Variants in PID1 observed in about 807,000 individuals in gnomAD.
PID1 encodes PTB-containing, cubilin and LRP1-interacting protein.
A neutral mutation model predicts 19.1 loss-of-function variants in PID1; 10 were observed. The observed-to-expected ratio is 0.52, with a 90% CI of 0.32 to 0.89. PID1 has a LOEUF of 0.89. PID1 is among the 40% of genes least tolerant of loss of function. The probability of loss-of-function intolerance (pLI) is 0.03; values close to 1 mark genes in which losing one functional copy is unlikely to be tolerated. For synonymous variants in PID1, 130 were observed against 116.0 expected (o/e 1.12, Z -0.78); for missense variants, 248 against 285.3 (o/e 0.87, Z 0.94).
intron 2 of PID1, among the ~76,000 whole-genome samples, chr2:229,073,317 G>A (rs949913223): frequency 3.3e-5 from 5 of 152,110 alleles, no homozygotes; most frequent in African/African-American, 2.4e-5. Context: ...GAGCCACCGC[G>A]CCCAGCCAAT....
intron 1 of PID1, among the ~76,000 whole-genome samples, chr2:229,166,988 G>C (rs901982895): frequency 8.1e-6 from 1 of 123,784 alleles, no homozygotes; most frequent in East Asian, 2.2e-4. Flanking sequence ...GAAGGGGAAG[G>C]GGAAGTGGAA....
chr2:229,080,059 C>T (rs1300302865), intron 2 of PID1, among the ~76,000 whole-genome samples: 74 of 152,120 alleles, frequency 4.9e-4, no homozygotes, highest in Admixed American at 4.8e-3. Context: ...CCTCTCCTGC[C>T]TCCCTGTTCT....
In PID1 at chr2:229,136,043, G is replaced by A. The variant is rs190328126; in HGVS notation, c.177+19775C>T. Among the ~76,000 whole-genome samples, 4 of 152,166 alleles carry A rather than the reference G, an allele frequency of 2.6e-5. No individual in the cohort carries two copies. The East Asian group carries it at 7.7e-4, about 29-fold the overall frequency. ...TCTAAGATGCCACTTCTAAGTTTAGGTTACAAAAAAACTCTGTTGTCTGTC... is the reference window on the plus strand; with the variant it reads ...TCTAAGATGCCACTTCTAAGTTTAGATTACAAAAAAACTCTGTTGTCTGTC... On this transcript the variant is annotated intron_variant, in intron 2 of 2. Coordinates refer to ENST00000392055, the MANE Select transcript of PID1 (RefSeq NM_001100818.2).
At chr2:229,239,456 C>T (rs1241100702) in intron 1 of PID1, among the ~76,000 whole-genome samples, 4 of 152,088 alleles carry the variant, frequency 2.6e-5, no homozygotes, top group African/African-American at 9.7e-5. Context: ...GCCGAACCCC[C>T]CGTGTCAATC....
intron 2 of PID1, among the ~76,000 whole-genome samples, chr2:229,044,948 T>G (rs560870357): frequency 5.5e-4 from 84 of 152,292 alleles, no homozygotes; most frequent in Non-Finnish European, 6.6e-4. Context: ...TTAAATATTT[T>G]AAAATTCAGG....
At position 229,155,394 on chromosome 2, in the gene PID1, G is replaced by A. The variant is rs181419587; in HGVS notation, c.177+424C>T. Among the ~76,000 whole-genome samples the A allele has an allele frequency of 2.1e-3, 323 of 151,940 alleles. 1 individual carries two copies. The highest frequency in any genetic ancestry group is 7.4e-3 in the African/African-American group (308 of 41,440). On this transcript the variant is annotated intron_variant, in intron 2 of 2. Coordinates refer to ENST00000392055, the MANE Select transcript of PID1 (RefSeq NM_001100818.2). ...ATCCTAGCTAACATGGTGAAACCCC[G>A]TCTCTCCTAAAAAGACAAAAAATTA...
chr2:229,262,547 C>T (rs994719326), intron 1 of PID1: 3 of 1,307,260 alleles, frequency 2.3e-6, no homozygotes, highest in African/African-American at 3.0e-5. Flanking sequence ...GTTGGGGATA[C>T]CTACATCACA....
At chr2:229,053,862 C>T (rs1420262947) in intron 2 of PID1, among the ~76,000 whole-genome samples, 4 of 152,144 alleles carry the variant, frequency 2.6e-5, no homozygotes, top group Admixed American at 1.3e-4. Context: ...AGAGTCATGA[C>T]CAACGTTTTG....
At chr2:229,065,637 A>T (rs1381561179) in intron 2 of PID1, among the ~76,000 whole-genome samples, 1 of 142,940 alleles carries the variant, frequency 7.0e-6, no homozygotes, top group Non-Finnish European at 1.5e-5. Flanking sequence ...TATTGAGGTC[A>T]TTATTTCCTC....
chr2:229,232,216 G>T, intron 1 of PID1: 1 of 1,124,194 alleles, frequency 8.9e-7, no homozygotes, highest in Non-Finnish European at 1.2e-6. Flanking sequence ...GAAGTCAGGA[G>T]ATCAAGACCA....
At chr2:229,139,159 G>A (rs200226250) in intron 2 of PID1, among the ~76,000 whole-genome samples, 1,986 of 90,010 alleles carry the variant, frequency 0.022, 169 homozygotes, top group South Asian at 0.05. Flanking sequence ...GCAAGCGAGC[G>A]AGCAAGCGAG....
chr2:229,087,430 G>A (rs183147569), intron 2 of PID1, among the ~76,000 whole-genome samples: 4 of 152,302 alleles, frequency 2.6e-5, no homozygotes, highest in African/African-American at 9.6e-5. Context: ...CTACCCTTGG[G>A]AGATAGTGAC....
At chr2:229,255,031 G>A (rs540447703) in intron 1 of PID1, among the ~76,000 whole-genome samples, 18 of 152,276 alleles carry the variant, frequency 1.2e-4, no homozygotes, top group South Asian at 1.0e-3. Flanking sequence ...ATTAGAGTGT[G>A]CAATATTTTT....
intron 1 of PID1, among the ~76,000 whole-genome samples, chr2:229,240,315 A>G (rs1385236527): frequency 6.6e-6 from 1 of 152,190 alleles, no homozygotes. Context: ...ATGGTCAAAA[A>G]AAAAACTTGG....
chr2:229,069,536 C>T (rs1694409761), intron 2 of PID1, among the ~76,000 whole-genome samples: 2 of 152,262 alleles, frequency 1.3e-5, no homozygotes, highest in South Asian at 4.1e-4. Context: ...TACTTGGTGG[C>T]TATTTCTCCA....
intron 1 of PID1, among the ~76,000 whole-genome samples, chr2:229,259,313 T>TA (rs1399039367): frequency 6.6e-6 from 1 of 152,210 alleles, no homozygotes. Context: ...GCCTGAATCT[T>TA]ACCTTTTCAT....
At chr2:229,133,162 C>A in intron 2 of PID1, among the ~76,000 whole-genome samples, 1 of 152,216 alleles carries the variant, frequency 6.6e-6, no homozygotes. Context: ...ACTTCAGGAG[C>A]TGGATGGTAT....
intron 2 of PID1, among the ~76,000 whole-genome samples, chr2:229,131,878 C>T (rs577464242): frequency 6.6e-6 from 1 of 152,026 alleles, no homozygotes; most frequent in South Asian, 2.1e-4. Context: ...CATTGTTAAA[C>T]AACAGTGACA....
At chr2:229,147,006 G>C (rs1025904756) in intron 2 of PID1, among the ~76,000 whole-genome samples, 1 of 152,176 alleles carries the variant, frequency 6.6e-6, no homozygotes, top group Non-Finnish European at 1.5e-5. Flanking sequence ...CTCTATGAGA[G>C]AGTAAATTTC....
Sources: allele counts gnomAD v4.1 joint callset (sites outside exome capture counted in the v4.1 genomes callset), GRCh38; gene constraint gnomAD v4.1.1; transcripts MANE v1.5; gene names NCBI Gene and HGNC (gene_info 2026-07-23, HGNC 2026-07-21).